FBXL7: variants seen among roughly 807,000 people sequenced by gnomAD.
FBXL7 encodes the protein F-box/LRR-repeat protein 7.
Under a neutral mutation model 38.3 loss-of-function variants are expected in FBXL7, and 12 were observed. The observed-to-expected ratio is 0.31, with a 90% confidence interval of 0.20 to 0.51. FBXL7 has a LOEUF of 0.51. Ranked by LOEUF, FBXL7 falls within the 20% of genes least tolerant of loss-of-function variation. The pLI, the probability that FBXL7 is intolerant of heterozygous loss-of-function variation, is 0.98. For synonymous variants in FBXL7, 297 were observed against 300.9 expected (o/e 0.99, Z 0.13); for missense variants, 567 against 676.4 (o/e 0.84, Z 1.79).
Position 15,878,341 on chromosome 5 carries a change from A to C in FBXL7, c.128-49549A>C, listed in dbSNP as rs188093668. Among the ~76,000 whole-genome samples, 9 of 152,264 alleles carry C rather than the reference A, an allele frequency of 5.9e-5. No homozygotes were observed. The East Asian group carries it at 1.7e-3, about 29-fold the overall frequency. On this transcript the variant is annotated intron_variant, in intron 2 of 3. Coordinates refer to ENST00000504595, the MANE Select transcript of FBXL7 (RefSeq NM_012304.5). ...CATACTGAAACACACAATAAACTCA[A>C]AGTGATGCCCTACAAATAATGCCTT...
chr5:15,904,404 C>T (rs1277874210), intron 2 of FBXL7, among the ~76,000 whole-genome samples: 1 of 152,116 alleles, frequency 6.6e-6, no homozygotes, highest in Non-Finnish European at 1.5e-5. Flanking sequence ...TAATTATAAA[C>T]TCTTTGTGGA....
chr5:15,780,414 T>C (rs1354260705), intron 2 of FBXL7, among the ~76,000 whole-genome samples: 1 of 152,182 alleles, frequency 6.6e-6, no homozygotes, highest in Non-Finnish European at 1.5e-5. Flanking sequence ...GAATATGTCA[T>C]AATTTGAATT....
At chr5:15,636,679 C>A (rs1189728603) in intron 2 of FBXL7, among the ~76,000 whole-genome samples, 4 of 129,682 alleles carry the variant, frequency 3.1e-5, no homozygotes, top group African/African-American at 1.2e-4. Context: ...AGGGCTAAAA[C>A]CTTTTTTTTT....
chr5:15,780,671 C>G (rs1288765451), intron 2 of FBXL7, among the ~76,000 whole-genome samples: 2 of 152,164 alleles, frequency 1.3e-5, no homozygotes, highest in East Asian at 1.9e-4. Context: ...GGTTGGAATT[C>G]TCTACAGAAA....
chr5:15,883,391 A>G (rs374443416), intron 2 of FBXL7, among the ~76,000 whole-genome samples: 1 of 152,064 alleles, frequency 6.6e-6, no homozygotes, highest in South Asian at 2.1e-4. Context: ...ACTATGAGAT[A>G]CTCGGTGGTT....
At chr5:15,684,801 C>T (rs1214038636) in intron 2 of FBXL7, among the ~76,000 whole-genome samples, 1 of 152,124 alleles carries the variant, frequency 6.6e-6, no homozygotes, top group Non-Finnish European at 1.5e-5. Context: ...TCCAGAAGTG[C>T]AAAATGTCAA....
intron 2 of FBXL7, among the ~76,000 whole-genome samples, chr5:15,847,225 A>G (rs1358103966): frequency 6.6e-6 from 1 of 152,226 alleles, no homozygotes; most frequent in African/African-American, 2.4e-5. Flanking sequence ...ATTGACTCAC[A>G]GTTCAACATG....
At chr5:15,737,860 G>A (rs866711480) in intron 2 of FBXL7, among the ~76,000 whole-genome samples, 11 of 152,100 alleles carry the variant, frequency 7.2e-5, no homozygotes, top group Admixed American at 7.2e-4. Context: ...AAAGCATCCT[G>A]GTACCCATCA....
At chr5:15,860,956 T>C (rs1158775457) in intron 2 of FBXL7, among the ~76,000 whole-genome samples, 1 of 152,224 alleles carries the variant, frequency 6.6e-6, no homozygotes, top group Non-Finnish European at 1.5e-5. Context: ...TATCTGCTGA[T>C]TCTCATTTCT....
At chr5:15,733,883 C>G (rs924690623) in intron 2 of FBXL7, among the ~76,000 whole-genome samples, 7 of 152,088 alleles carry the variant, frequency 4.6e-5, no homozygotes, top group African/African-American at 1.7e-4. Flanking sequence ...CCGAGGCAGG[C>G]GGTTCACAAG....
intron 2 of FBXL7, among the ~76,000 whole-genome samples, chr5:15,824,200 G>C (rs1738245892): frequency 6.6e-6 from 1 of 151,772 alleles, no homozygotes; most frequent in South Asian, 2.1e-4. Context: ...GGAGGCTGAG[G>C]CAGGAGAATT....
chr5:15,534,104 C>T (rs1020619008), intron 1 of FBXL7, among the ~76,000 whole-genome samples: 15 of 152,130 alleles, frequency 9.9e-5, no homozygotes, highest in African/African-American at 3.6e-4. Context: ...ACAGGCACAG[C>T]GTCCTGCACT....
intron 2 of FBXL7, among the ~76,000 whole-genome samples, chr5:15,820,545 T>A (rs1260938463): frequency 6.6e-6 from 1 of 152,184 alleles, no homozygotes; most frequent in Non-Finnish European, 1.5e-5. Flanking sequence ...CCTCCTTGTC[T>A]CCTGGATGTT....
chr5:15,898,745 A>G (rs557592153), intron 2 of FBXL7, among the ~76,000 whole-genome samples: 86 of 152,344 alleles, frequency 5.6e-4, no homozygotes, highest in African/African-American at 2.0e-3. Context: ...TTATGCCCAT[A>G]GAAAAACGGC....
chr5:15,563,395 ATTT>A (rs1738472720), intron 1 of FBXL7, among the ~76,000 whole-genome samples: 1 of 151,980 alleles, frequency 6.6e-6, no homozygotes, highest in Admixed American at 6.6e-5. Context: ...ACTTTCCTTT[ATTT>A]TCTGTGCGAA....
At chr5:15,567,604 T>A (rs557948281) in intron 1 of FBXL7, among the ~76,000 whole-genome samples, 6 of 151,688 alleles carry the variant, frequency 4.0e-5, no homozygotes, top group Non-Finnish European at 7.4e-5. Flanking sequence ...ATATATATAT[T>A]TTTTATTATA....
intron 2 of FBXL7, among the ~76,000 whole-genome samples, chr5:15,865,221 T>G (rs937674660): frequency 1.3e-5 from 2 of 151,870 alleles, no homozygotes; most frequent in Non-Finnish European, 2.9e-5. Context: ...GGGAGAGGAG[T>G]AACGCCCTGA....
In FBXL7 at chr5:15,937,393, T is replaced by C. The variant is rs1742227442; in HGVS notation, c.*207T>C. 4.8e-6 allele frequency: 3 copies of C among 622,582 alleles called. No individual in the cohort carries two copies. Among genetic ancestry groups the C allele is most frequent in the Admixed American group, 3.1e-5 (1 of 32,198 alleles). The allele number at this position is 622,582 out of a possible 1,614,324, so 38.6% of individuals were successfully genotyped here. On this transcript the variant is annotated 3_prime_UTR_variant, in exon 4 of 4. Transcript: ENST00000504595. ...CAAGACAAACAGCAAACAGGCATTT[T>C]GGTCAGGTCATTTGTAGGCAGTTTC... is the stretch of plus-strand genomic sequence containing the variant.
intron 2 of FBXL7, among the ~76,000 whole-genome samples, chr5:15,853,325 C>T (rs1388327082): frequency 3.3e-5 from 5 of 152,046 alleles, no homozygotes; most frequent in Non-Finnish European, 7.4e-5. Context: ...GGCTGTGCTT[C>T]TGTATTTTCA....
Sources: gnomAD v4.1 joint callset for allele counts (sites outside exome capture counted in the v4.1 genomes callset) on GRCh38, gnomAD v4.1.1 for gene constraint, MANE v1.5 for transcripts, NCBI Gene and HGNC (gene_info 2026-07-23, HGNC 2026-07-21) for gene names.